The following TMEM192 variants were observed in gnomAD, a reference collection of about 807,000 sequenced individuals.
TMEM192 encodes transmembrane protein 192.
In TMEM192, 20 loss-of-function variants were observed where a neutral mutation model predicts 26.7. The ratio of observed to expected loss-of-function variants is 0.75; its 90% CI spans 0.53 to 1.09. The LOEUF is 1.09. Among genes scored for constraint, TMEM192 ranks in the 50% least tolerant of loss-of-function variants. The pLI is 0.00. For synonymous variants in TMEM192, 124 were observed against 121.0 expected (o/e 1.02, Z -0.16); for missense variants, 304 against 322.6 (o/e 0.94, Z 0.44).
intron 3 of TMEM192, among the ~76,000 whole-genome samples, chr4:165,095,972 T>G (rs1734888555): frequency 6.7e-6 from 1 of 148,292 alleles, no homozygotes. Flanking sequence ...TTTTTTTGTA[T>G]TTTTAGTACA....
intron 3 of TMEM192, 111 bp downstream of exon 3, chr4:165,100,517 C>T: frequency 7.7e-7 from 1 of 1,302,608 alleles, no homozygotes; most frequent in South Asian, 1.5e-5. Flanking sequence ...ACACATCAAC[C>T]TTACAAAAAT....
At chr4:165,103,792 G>C (rs1735103067) in intron 1 of TMEM192, among the ~76,000 whole-genome samples, 1 of 152,186 alleles carries the variant, frequency 6.6e-6, no homozygotes, top group Non-Finnish European at 1.5e-5. Flanking sequence ...AAAGTGCTGG[G>C]ATTACAGGCA....
intron 3 of TMEM192, among the ~76,000 whole-genome samples, chr4:165,097,528 T>A (rs1013575512): frequency 7.3e-6 from 1 of 136,770 alleles, no homozygotes; most frequent in African/African-American, 2.7e-5. Flanking sequence ...GAAAATGCAC[T>A]AACAGAACAG....
chr4:165,088,398 T>C, intron 4 of TMEM192, 70 bp downstream of exon 4: 1 of 1,505,630 alleles, frequency 6.6e-7, no homozygotes, highest in Non-Finnish European at 9.0e-7. Context: ...GCTAATGGGC[T>C]ATACTTTAAA....
intron 3 of TMEM192, among the ~76,000 whole-genome samples, chr4:165,098,625 A>C (rs1008517908): frequency 6.6e-6 from 1 of 150,838 alleles, no homozygotes; most frequent in Admixed American, 6.6e-5. Flanking sequence ...ATTCAAAAAA[A>C]ATTTTTTTTT....
chr4:165,098,182 TG>T, intron 3 of TMEM192, among the ~76,000 whole-genome samples: 1 of 151,696 alleles, frequency 6.6e-6, no homozygotes, highest in Admixed American at 6.6e-5. Flanking sequence ...TGCAGTGCAA[TG>T]GTATGATTGC....
At chr4:165,108,249 A>C (rs1735214713) in intron 1 of TMEM192, among the ~76,000 whole-genome samples, 1 of 150,264 alleles carries the variant, frequency 6.7e-6, no homozygotes, top group Non-Finnish European at 1.5e-5. Flanking sequence ...CAGCCTCCCA[A>C]GTAGCTGGGA....
At position 165,070,698 on chromosome 4, in the gene TMEM192, C is replaced by A. The variant is rs183150318; in HGVS notation, c.*8960G>T. 11 of 152,252 alleles carry A rather than the reference C, an allele frequency of 7.2e-5. No homozygotes were observed. In the East Asian group the frequency reaches 2.1e-3, roughly 29 times the overall value. The allele number at this position is 152,252 out of a possible 1,614,324, so 9.4% of individuals were successfully genotyped here. ...TTAAACAAGACCTTAAAAAAATAAT[C>A]TCTCAGTTCAGGACATCATAAACAG... is the stretch of plus-strand genomic sequence containing the variant. On this transcript the variant is annotated 3_prime_UTR_variant, in exon 6 of 6. Coordinates refer to ENST00000306480, the MANE Select transcript of TMEM192 (RefSeq NM_001100389.2).
chr4:165,098,189 A>C (rs964146157), intron 3 of TMEM192, among the ~76,000 whole-genome samples: 2 of 151,182 alleles, frequency 1.3e-5, no homozygotes, highest in Non-Finnish European at 2.9e-5. Context: ...CAATGGTATG[A>C]TTGCAGCTCA....
intron 1 of TMEM192, among the ~76,000 whole-genome samples, chr4:165,104,899 ACTCC>A (rs1219305195): frequency 3.9e-5 from 6 of 151,900 alleles, no homozygotes; most frequent in Non-Finnish European, 5.9e-5. Context: ...AATTCAGATT[ACTCC>A]TGTTCTCTTC....
At chr4:165,106,949 C>T (rs1287181282) in intron 1 of TMEM192, among the ~76,000 whole-genome samples, 2 of 152,158 alleles carry the variant, frequency 1.3e-5, no homozygotes, top group Non-Finnish European at 2.9e-5. Context: ...CCCAAATCCT[C>T]AGGACAAAGT....
chr4:165,099,040 T>C lies in TMEM192; in HGVS notation c.439+1588A>G, dbSNP rs1358162388. 2.0e-5 allele frequency among the ~76,000 whole-genome samples: 3 copies of C among 151,640 alleles called. No individual in the cohort carries two copies. In the South Asian group the frequency reaches 6.2e-4, roughly 32 times the overall value. ...TTTTAAGATTTATTCTGGACTCAAATTGAAAAACAGGATCTTTTTAAAAGG... is the reference window on the plus strand; with the variant it reads ...TTTTAAGATTTATTCTGGACTCAAACTGAAAAACAGGATCTTTTTAAAAGG... On this transcript the variant is annotated intron_variant, in intron 3 of 5. Coordinates refer to ENST00000306480, the MANE Select transcript of TMEM192 (RefSeq NM_001100389.2).
intron 1 of TMEM192, 77 bp downstream of exon 1, chr4:165,112,670 G>C: frequency 1.3e-6 from 2 of 1,583,612 alleles, no homozygotes; most frequent in Non-Finnish European, 1.7e-6. Flanking sequence ...TTCCCTCTCT[G>C]AGTCTCCGCC....
rs1326609670 is a variant in TMEM192, at chr4:165,071,183, T to C, written c.*8475A>G. 1 of 151,898 alleles carries C rather than the reference T, an allele frequency of 6.6e-6. No individual in the cohort carries two copies. Among genetic ancestry groups the C allele is most frequent in the Non-Finnish European group, 1.5e-5 (1 of 67,996 alleles). The allele number at this position is 151,898 out of a possible 1,614,324, so 9.4% of individuals were successfully genotyped here. A position where few individuals can be genotyped will look rare whatever the true frequency, so the allele number is the denominator to read the frequency against. On this transcript the variant is annotated 3_prime_UTR_variant, in exon 6 of 6. Coordinates refer to ENST00000306480, the MANE Select transcript of TMEM192 (RefSeq NM_001100389.2). ...TAGGCACAGAGAGTAACAACATTAA[T>C]AACAAAATAGAATAATTATAGCAAT...
In TMEM192 at chr4:165,074,583, A is replaced by G. The variant is rs897047052; in HGVS notation, c.*5075T>C. ...TGCCTCAGCCTCCTGAGTAGCTGGG[A>G]TTACAGGTGCACTTCACTGCACCTG... is the stretch of plus-strand genomic sequence containing the variant. On this transcript the variant is annotated 3_prime_UTR_variant, in exon 6 of 6. Transcript: ENST00000306480. 4 of 152,202 alleles carry G rather than the reference A, an allele frequency of 2.6e-5. No homozygotes were observed. The highest frequency in any genetic ancestry group is 6.6e-5 in the Admixed American group (1 of 15,264). 9.4% of individuals were successfully genotyped at this position (152,202 alleles called of 1,614,324 possible).
chr4:165,094,341 T>G (rs1015293446), intron 3 of TMEM192, among the ~76,000 whole-genome samples: 2 of 152,164 alleles, frequency 1.3e-5, no homozygotes, highest in East Asian at 1.9e-4. Context: ...CCGGCCTAGT[T>G]TGGTGTTTTT....
chr4:165,094,237 A>G lies in TMEM192; in HGVS notation c.440-5635T>C, dbSNP rs143607321. ...TTTTTAATAGAGACAGGTTTTCACCATGTTGGCCAAGCTGGTCTGGAACTC... is the reference window on the plus strand; with the variant it reads ...TTTTTAATAGAGACAGGTTTTCACCGTGTTGGCCAAGCTGGTCTGGAACTC... On this transcript the variant is annotated intron_variant, in intron 3 of 5. Transcript: ENST00000306480. Among the ~76,000 whole-genome samples the G allele has an allele frequency of 8.4e-3, 1,280 of 152,028 alleles. 21 individuals carry two copies. Among genetic ancestry groups the G allele is most frequent in the African/African-American group, 0.029 (1,190 of 41,454 alleles).
intron 1 of TMEM192, among the ~76,000 whole-genome samples, chr4:165,105,692 G>T (rs1276806190): frequency 1.3e-5 from 2 of 151,884 alleles, no homozygotes; most frequent in Non-Finnish European, 2.9e-5. Context: ...ACAGGGTCTC[G>T]CTATGTTGGC....
At chr4:165,087,145 C>T (rs977885131) in intron 4 of TMEM192, among the ~76,000 whole-genome samples, 3 of 152,002 alleles carry the variant, frequency 2.0e-5, no homozygotes, top group Non-Finnish European at 2.9e-5. Context: ...GCCTTTTATG[C>T]CACATGAAAA....
Sources: allele counts gnomAD v4.1 joint callset (sites outside exome capture counted in the v4.1 genomes callset), GRCh38; gene constraint gnomAD v4.1.1; transcripts MANE v1.5; gene names NCBI Gene and HGNC (gene_info 2026-07-23, HGNC 2026-07-21).